Variants in RANBP2 observed in about 807,000 individuals in gnomAD.
RANBP2 encodes RAN binding protein 2, also known as E3 SUMO-protein ligase RanBP2.
Under a neutral mutation model 303.6 loss-of-function variants are expected in RANBP2, and 57 were observed. The ratio of observed to expected loss-of-function variants is 0.19; its 90% CI spans 0.15 to 0.23. The LOEUF (loss-of-function observed/expected upper bound fraction) is 0.23, where lower values mean the gene tolerates loss of function less well. Among genes scored for constraint, RANBP2 ranks in the 10% least tolerant of loss-of-function variants. The probability of loss-of-function intolerance (pLI) is 1.00; values close to 1 mark genes in which losing one functional copy is unlikely to be tolerated. For synonymous variants in RANBP2, 1,167 were observed against 1,301.5 expected (o/e 0.90, Z 2.23); for missense variants, 3,138 against 3,780.8 (o/e 0.83, Z 4.46).
the RANBP2 span, chr2:109,124,740 G>C: frequency 6.6e-6 from 1 of 152,270 alleles, no homozygotes; most frequent in Non-Finnish European, 1.5e-5. Context: ...TTTTTAACCA[G>C]TAACTTCCAA....
chr2:109,674,243 C>A, the RANBP2 span, among the ~76,000 whole-genome samples: 1 of 151,484 alleles, frequency 6.6e-6, no homozygotes, highest in Admixed American at 6.6e-5. Flanking sequence ...TTAACAACCC[C>A]CCCCCAAAAT....
At chr2:108,902,733 A>T in the RANBP2 span, among the ~76,000 whole-genome samples, 1 of 152,238 alleles carries the variant, frequency 6.6e-6, no homozygotes, top group Non-Finnish European at 1.5e-5. Context: ...ATATTTAAAA[A>T]TTATTGTAAT....
the RANBP2 span, among the ~76,000 whole-genome samples, chr2:109,764,138 T>G: frequency 6.7e-6 from 1 of 149,836 alleles, no homozygotes; most frequent in East Asian, 2.0e-4. Flanking sequence ...TGGCCCTAAT[T>G]TCCACCTCTA....
chr2:109,049,972 C>T, the RANBP2 span, among the ~76,000 whole-genome samples: 1,100 of 152,262 alleles, frequency 7.2e-3, 7 homozygotes, highest in East Asian at 0.033. Flanking sequence ...GTCCACACCA[C>T]CGTGAGCGTG....
At chr2:109,318,273 G>A in the RANBP2 span, among the ~76,000 whole-genome samples, 78 of 152,064 alleles carry the variant, frequency 5.1e-4, no homozygotes, top group Non-Finnish European at 1.1e-3. Context: ...CCAGATGTTC[G>A]GGAGCATTTC....
chr2:108,827,740 C>T, the RANBP2 span, among the ~76,000 whole-genome samples: 2 of 151,402 alleles, frequency 1.3e-5, no homozygotes, highest in Non-Finnish European at 2.9e-5. Flanking sequence ...GGCATGAACC[C>T]AGGAGGCGGA....
chr2:109,585,912 T>C, the RANBP2 span: 1 of 1,035,576 alleles, frequency 9.7e-7, no homozygotes, highest in Non-Finnish European at 1.5e-6. Flanking sequence ...TAGGCACACT[T>C]GAAGGACAAA....
chr2:108,787,057 C>G (rs887536702), downstream of RANBP2: 2 of 441,312 alleles, frequency 4.5e-6, no homozygotes, highest in Non-Finnish European at 7.6e-6. Context: ...GCTTGGGCCT[C>G]GTGGAAGCAG....
the RANBP2 span, among the ~76,000 whole-genome samples, chr2:109,084,296 C>G: frequency 3.3e-5 from 5 of 152,208 alleles, no homozygotes; most frequent in Non-Finnish European, 7.3e-5. Context: ...CGAAAAACAT[C>G]TAGGAAAATC....
At chr2:109,001,779 A>G in the RANBP2 span, among the ~76,000 whole-genome samples, 2 of 152,184 alleles carry the variant, frequency 1.3e-5, no homozygotes, top group East Asian at 1.9e-4. Context: ...CGCCCAGACT[A>G]GAGTGCAGAG....
downstream of RANBP2, chr2:108,787,001 G>T (rs1678929172): frequency 4.4e-6 from 4 of 913,516 alleles, no homozygotes; most frequent in Non-Finnish European, 4.5e-6. Context: ...GCCTGGGGGC[G>T]CGCAGCGGCT....
At chr2:109,430,816 T>TG in the RANBP2 span, among the ~76,000 whole-genome samples, 2 of 152,304 alleles carry the variant, frequency 1.3e-5, no homozygotes, top group South Asian at 4.1e-4. Flanking sequence ...GAGTTGGTCC[T>TG]AATTTCACTG....
At chr2:108,867,929 T>C in the RANBP2 span, among the ~76,000 whole-genome samples, 3 of 152,210 alleles carry the variant, frequency 2.0e-5, no homozygotes, top group African/African-American at 4.8e-5. Context: ...CTTTAAAAAA[T>C]AATTTTATTC....
chr2:108,957,448 T>C, the RANBP2 span, among the ~76,000 whole-genome samples: 4 of 152,338 alleles, frequency 2.6e-5, no homozygotes, highest in Admixed American at 1.3e-4. Context: ...GTCCTTCAAA[T>C]AGAGGGCTAT....
chr2:109,729,314 A>G, the RANBP2 span, among the ~76,000 whole-genome samples: 1 of 152,206 alleles, frequency 6.6e-6, no homozygotes, highest in Non-Finnish European at 1.5e-5. Flanking sequence ...TCATGACAAA[A>G]CAATTTCTCT....
chr2:108,896,619 T>C, the RANBP2 span: 1 of 429,928 alleles, frequency 2.3e-6, no homozygotes, highest in South Asian at 3.7e-5. Flanking sequence ...TGTCTCATTG[T>C]TCAGTGAGTT....
chr2:108,719,548 C>A lies in RANBP2; in HGVS notation c.-59C>A. 1.3e-6 allele frequency: 2 copies of A among 1,563,580 alleles called. No individual in the cohort carries two copies. The highest frequency in any genetic ancestry group is 2.3e-5 in the South Asian group (2 of 85,188). On this transcript the variant is annotated 5_prime_UTR_variant, in exon 1 of 29. Coordinates refer to ENST00000283195, the MANE Select transcript of RANBP2 (RefSeq NM_006267.5). ...GCAGGCGCTTTCCTCTTGGAAGTGGCGACTGCTGCGGGCCTGAGCGCTGGT... is the reference window on the plus strand; with the variant it reads ...GCAGGCGCTTTCCTCTTGGAAGTGGAGACTGCTGCGGGCCTGAGCGCTGGT...
At chr2:109,363,157 C>A in the RANBP2 span, among the ~76,000 whole-genome samples, 6 of 151,740 alleles carry the variant, frequency 4.0e-5, no homozygotes, top group Non-Finnish European at 5.9e-5. Flanking sequence ...CACTCTTTTT[C>A]GGTCTTTTGT....
chr2:109,083,744 GCTGCA>G, the RANBP2 span, among the ~76,000 whole-genome samples: 1 of 152,014 alleles, frequency 6.6e-6, no homozygotes, highest in Non-Finnish European at 1.5e-5. Flanking sequence ...TTCTGCCGTG[GCTGCA>G]CCCTCTTACA....
Sources: gnomAD v4.1 joint callset for allele counts (sites outside exome capture counted in the v4.1 genomes callset) on GRCh38, gnomAD v4.1.1 for gene constraint, MANE v1.5 for transcripts, NCBI Gene and HGNC (gene_info 2026-07-23, HGNC 2026-07-21) for gene names.